The following ELMO1 variants were observed in gnomAD, a reference collection of about 807,000 sequenced individuals.
ELMO1 encodes engulfment and cell motility 1.
A neutral mutation model predicts 98.9 loss-of-function variants in ELMO1; 26 were observed. The observed-to-expected ratio is 0.26, with a 90% CI of 0.19 to 0.36. The LOEUF is 0.36. Among genes scored for constraint, ELMO1 ranks in the 10% least tolerant of loss-of-function variants. ELMO1 has a pLI of 1.00. For synonymous variants in ELMO1, 346 were observed against 346.0 expected (o/e 1.00, Z 0.00); for missense variants, 627 against 935.2 (o/e 0.67, Z 4.30).
intron 16 of ELMO1, among the ~76,000 whole-genome samples, chr7:36,898,734 CA>C (rs2129057443): frequency 6.6e-6 from 1 of 152,356 alleles, no homozygotes; most frequent in East Asian, 1.9e-4. Context: ...CCACAACCTT[CA>C]TCCAGCATCA....
chr7:37,240,986 T>A (rs1228610795), intron 7 of ELMO1, among the ~76,000 whole-genome samples: 2 of 152,168 alleles, frequency 1.3e-5, no homozygotes, highest in South Asian at 2.1e-4. Context: ...CCTTTGATAG[T>A]GTTGATCAAA....
At chr7:37,070,766 C>T (rs963253926) in intron 15 of ELMO1, among the ~76,000 whole-genome samples, 12 of 152,134 alleles carry the variant, frequency 7.9e-5, no homozygotes, top group African/African-American at 2.9e-4. Context: ...ACTAACCACA[C>T]CTGGATTAAT....
At chr7:37,053,352 G>T (rs1026397363) in intron 15 of ELMO1, among the ~76,000 whole-genome samples, 1 of 147,210 alleles carries the variant, frequency 6.8e-6, no homozygotes, top group Non-Finnish European at 1.5e-5. Context: ...AACAACAAAA[G>T]ACTATTGTCT....
chr7:36,895,160 C>T lies in ELMO1; in HGVS notation c.1438-143G>A, dbSNP rs1351095555. The T allele has an allele frequency of 9.3e-6, 8 of 860,564 alleles. No individual in the cohort carries two copies. In the Admixed American group the frequency reaches 2.0e-4, roughly 22 times the overall value. The allele number at this position is 860,564 out of a possible 1,614,324, so 53.3% of individuals were successfully genotyped here. The stretch of plus-strand genomic sequence containing the variant: ...TAACCTTGAGCATGCTTTTCCAAAA[C>T]AGTCAACTTCCATTATGCCCATCTT... On this transcript the variant is annotated intron_variant, in intron 16 of 21. Coordinates refer to ENST00000310758, the MANE Select transcript of ELMO1 (RefSeq NM_014800.11).
chr7:36,893,358 C>T (rs938563595), intron 17 of ELMO1, among the ~76,000 whole-genome samples: 9 of 152,130 alleles, frequency 5.9e-5, no homozygotes, highest in East Asian at 1.9e-4. Flanking sequence ...TAGCTGTTAC[C>T]GTCTTCTGGC....
chr7:37,420,023 G>C (rs371320999), intron 1 of ELMO1, among the ~76,000 whole-genome samples: 1 of 152,066 alleles, frequency 6.6e-6, no homozygotes, highest in African/African-American at 2.4e-5. Flanking sequence ...ACCATTTACC[G>C]GTCTTTGGAG....
chr7:37,302,737 A>C (rs1213721610), intron 4 of ELMO1, among the ~76,000 whole-genome samples: 1 of 152,198 alleles, frequency 6.6e-6, no homozygotes, highest in African/African-American at 2.4e-5. Context: ...GAGTATAAGT[A>C]ATCATCTCTA....
At chr7:37,354,141 T>C (rs1398100872) in intron 1 of ELMO1, among the ~76,000 whole-genome samples, 2 of 152,258 alleles carry the variant, frequency 1.3e-5, no homozygotes, top group Non-Finnish European at 2.9e-5. Context: ...TTTGTTTATA[T>C]GAGTTCTCTG....
At chr7:37,441,824 A>G (rs1404427641) in intron 1 of ELMO1, among the ~76,000 whole-genome samples, 2 of 152,252 alleles carry the variant, frequency 1.3e-5, no homozygotes, top group Non-Finnish European at 2.9e-5. Flanking sequence ...CAACTGCAGT[A>G]TAAGAGAGAA....
intron 15 of ELMO1, among the ~76,000 whole-genome samples, chr7:37,020,417 T>C (rs949566462): frequency 1.3e-5 from 2 of 152,222 alleles, no homozygotes; most frequent in Admixed American, 6.5e-5. Flanking sequence ...GTTTAGCAAA[T>C]GTTTGATGAG....
chr7:37,260,364 G>T (rs935410727), intron 5 of ELMO1, among the ~76,000 whole-genome samples: 6 of 152,082 alleles, frequency 3.9e-5, no homozygotes, highest in African/African-American at 1.4e-4. Context: ...ACAGACAACT[G>T]GTTACAACTC....
At chr7:37,288,229 CT>C (rs199907645) in intron 4 of ELMO1, among the ~76,000 whole-genome samples, 31 of 145,918 alleles carry the variant, frequency 2.1e-4, no homozygotes, top group East Asian at 2.0e-4. Context: ...CAAAGTGTCA[CT>C]TTTTTTTTTT....
At chr7:37,115,009 A>G (rs1233649497) in intron 14 of ELMO1, among the ~76,000 whole-genome samples, 1 of 152,186 alleles carries the variant, frequency 6.6e-6, no homozygotes, top group Non-Finnish European at 1.5e-5. Flanking sequence ...AATGAAATGG[A>G]CCAATTCCTT....
At chr7:37,260,516 G>A (rs1795924379) in intron 5 of ELMO1, among the ~76,000 whole-genome samples, 1 of 152,106 alleles carries the variant, frequency 6.6e-6, no homozygotes, top group South Asian at 2.1e-4. Context: ...GGTCCTAAGA[G>A]CAGAAAGACT....
intron 1 of ELMO1, among the ~76,000 whole-genome samples, chr7:37,386,191 G>T (rs12666501): frequency 1.3e-5 from 2 of 152,042 alleles, no homozygotes; most frequent in Non-Finnish European, 2.9e-5. Context: ...GTGAAGAAAC[G>T]GTGTGCAGCC....
intron 1 of ELMO1, among the ~76,000 whole-genome samples, chr7:37,430,699 A>G (rs1208767028): frequency 6.6e-6 from 1 of 151,994 alleles, no homozygotes; most frequent in Non-Finnish European, 1.5e-5. Flanking sequence ...ACTCATACAT[A>G]CTCTCACATC....
chr7:37,167,929 A>G (rs1347295639), intron 13 of ELMO1, among the ~76,000 whole-genome samples: 4 of 152,092 alleles, frequency 2.6e-5, no homozygotes, highest in African/African-American at 9.7e-5. Flanking sequence ...TATCCTGTAG[A>G]GTGTTTTCCA....
At chr7:37,132,539 A>G (rs1786994854) in intron 14 of ELMO1, among the ~76,000 whole-genome samples, 1 of 152,090 alleles carries the variant, frequency 6.6e-6, no homozygotes, top group African/African-American at 2.4e-5. Context: ...GCTTCCATTC[A>G]TTTATTCTCC....
At chr7:37,428,030 GGTGT>G (rs10681558) in intron 1 of ELMO1, among the ~76,000 whole-genome samples, 48,077 of 149,780 alleles carry the variant, frequency 0.32, 8,712 homozygotes, top group Non-Finnish European at 0.42. Flanking sequence ...GTATGCTTGG[GGTGT>G]GTGTGTGTGT....
Sources: allele counts gnomAD v4.1 joint callset (sites outside exome capture counted in the v4.1 genomes callset), GRCh38; gene constraint gnomAD v4.1.1; transcripts MANE v1.5; gene names NCBI Gene and HGNC (gene_info 2026-07-23, HGNC 2026-07-21).